The following KLHL33 variants were observed in gnomAD, a reference collection of about 807,000 sequenced individuals.
KLHL33 encodes kelch like family member 33.
KLHL33 carries 46 observed loss-of-function variants against 60.8 expected under a neutral mutation model. The observed-to-expected ratio is 0.76, with a 90% CI of 0.60 to 0.97. The LOEUF is 0.97. Ranked by LOEUF, KLHL33 falls within the 50% of genes least tolerant of loss-of-function variation. The probability of loss-of-function intolerance (pLI) is 0.00; values close to 1 mark genes in which losing one functional copy is unlikely to be tolerated. For missense variants in KLHL33, 1,055 were observed against 1,000.0 expected, an observed-to-expected ratio of 1.05 and a Z score of -0.74; for synonymous variants, 434 against 432.2, an observed-to-expected ratio of 1.00 and a Z score of -0.05.
chr14:20,434,963 G>A lies in KLHL33; in HGVS notation c.748+101C>T, dbSNP rs549540840. ...CCAGGGAAATTCTGACAGCAGCAGGGATCAAAACCATCATGGTGGGGATAA... is the reference window on the plus strand; with the variant it reads ...CCAGGGAAATTCTGACAGCAGCAGGAATCAAAACCATCATGGTGGGGATAA... On this transcript the variant is annotated intron_variant, in intron 2 of 4. Coordinates refer to ENST00000636854, the MANE Select transcript of KLHL33 (RefSeq NM_001365790.2). 3.7e-5 allele frequency: 38 copies of A among 1,037,506 alleles called. No individual in the cohort carries two copies. In the African/African-American group the frequency reaches 5.9e-4, roughly 16 times the overall value. 64.3% of individuals were successfully genotyped at this position (1,037,506 alleles called of 1,614,324 possible).
rs1232845489 is a variant in KLHL33 at position 20,429,219 on chromosome 14, T to G, written c.2024A>C (p.His675Pro). The change falls in exon 5 of 5, where the codon CAT (histidine) becomes CCT (proline). Residue 675 changes from histidine to proline, a missense_variant. Transcript: ENST00000636854. ...LSPMGVPRAG[H>P]VMAALGGRLY... ...CCTCCCACCCAATGCAGCCATGACATGGCCAGCCCGAGGTACCCCCATAGG... is the reference window on the plus strand; with the variant it reads ...CCTCCCACCCAATGCAGCCATGACAGGGCCAGCCCGAGGTACCCCCATAGG... 1 of 1,551,488 alleles carries G rather than the reference T, an allele frequency of 6.4e-7. No homozygotes were observed. The highest frequency in any genetic ancestry group is 8.7e-7 in the Non-Finnish European group (1 of 1,146,970).
chr14:20,430,394 GGCTTT>G lies in KLHL33; in HGVS notation c.1069_1073del (p.Lys357ProfsTer27). 1 of 1,551,806 alleles carries G rather than the reference GGCTTT, an allele frequency of 6.4e-7. No individual in the cohort carries two copies. On this transcript the variant is annotated frameshift_variant, in exon 3 of 5. Transcript: ENST00000636854. LOFTEE classifies it high-confidence loss of function. ...GCAGGTGGGTGAGGAGGTAGTGACGGGCTTTGCTCCAGAGCCTCTCCAACCCAGGG... is the reference window on the plus strand; with the variant it reads ...GCAGGTGGGTGAGGAGGTAGTGACGGGCTCCAGAGCCTCTCCAACCCAGGG...
Position 20,435,635 on chromosome 14 carries a change from G to C in KLHL33, c.177C>G (p.Pro59=). 1 of 1,234,596 alleles carries C rather than the reference G, an allele frequency of 8.1e-7. No individual in the cohort carries two copies. Among genetic ancestry groups the C allele is most frequent in the Non-Finnish European group, 1.0e-6 (1 of 988,294 alleles). 76.5% of individuals were successfully genotyped at this position (1,234,596 alleles called of 1,614,324 possible). Reference sequence around the variant, plus strand: ...GAAAGGGAAGGTTCCTTGGGACCAGGGGCCTGGAACCAGGCTCCTCCAGAG... The same window carrying C: ...GAAAGGGAAGGTTCCTTGGGACCAGCGGCCTGGAACCAGGCTCCTCCAGAG... ...SFPLEEPGSR[P]LVPRNLPFPA... Residue 59 remains proline, a synonymous_variant, in exon 2 of 5, where the codon CCC becomes CCG. Transcript: ENST00000636854.
In KLHL33 at chr14:20,429,973, C is replaced by T; in HGVS notation, c.1495G>A (p.Ala499Thr). Residue 499 changes from alanine to threonine, a missense_variant, in exon 3 of 5, where the codon GCC becomes ACC. By Grantham distance (58) the Ala-to-Thr change is moderately conservative. Transcript: ENST00000636854. Reference sequence around the variant, plus strand: ...CCCACGCCACAGCGGAAGGCCCGGGCCCACCACACTGCTCGGGATGGTTGT... The same window carrying T: ...CCCACGCCACAGCGGAAGGCCCGGGTCCACCACACTGCTCGGGATGGTTGT... ...LRQPSRAVWW[A>T]RAFRCGVGLV... The T allele has an allele frequency of 6.4e-7, 1 of 1,551,700 alleles. No individual in the cohort carries two copies. The highest frequency in any genetic ancestry group is 8.7e-7 in the Non-Finnish European group (1 of 1,146,992).
At chr14:20,432,926 A>AAAAGAAAAG (rs1880555565) in intron 2 of KLHL33, among the ~76,000 whole-genome samples, 1 of 104,672 alleles carries the variant, frequency 9.6e-6, no homozygotes, top group Admixed American at 1.2e-4. Context: ...CATCTCAAAA[A>AAAAGAAAAG]AAAGAAAGAA....
Position 20,435,375 on chromosome 14 carries a change from C to T in KLHL33, c.437G>A (p.Gly146Glu), listed in dbSNP as rs1880655366. 8.1e-7 allele frequency: 1 copy of T among 1,234,332 alleles called. No individual in the cohort carries two copies. The highest frequency in any genetic ancestry group is 4.1e-5 in the South Asian group (1 of 24,422). 76.5% of individuals were successfully genotyped at this position (1,234,332 alleles called of 1,614,324 possible). Residue 146 changes from glycine (G) to glutamate (E), a missense_variant, in exon 2 of 5, where the codon GGA becomes GAA. By Grantham distance (98) the Gly-to-Glu change is moderately conservative. Transcript: ENST00000636854. ...GAGGCTGAAGGGGGGCCGCGGACCT[C>T]CGCCGCCCAGCAGCCTGTCTCGGAA... ...SLFRDRLLGGGGPRPPFSLEV... is the reference protein window; with the variant it reads ...SLFRDRLLGGEGPRPPFSLEV...
At position 20,429,261 on chromosome 14, in the gene KLHL33, G is replaced by A. The variant is rs1354607124; in HGVS notation, c.1982C>T (p.Pro661Leu). Residue 661 changes from proline (P) to leucine (L), a missense_variant, in exon 5 of 5, where the codon CCA (proline) becomes CTA (leucine). Pro to Leu is a moderately conservative substitution (Grantham distance 98). Coordinates refer to ENST00000636854, the MANE Select transcript of KLHL33 (RefSeq NM_001365790.2). ...LMHYDPKLEK[P>L]GTFLSPMGVP... ...CCCCATAGGGCTCAGAAACGTCCCTGGCTTCTCAAGTTTGGGGTCATAGTG... is the reference window on the plus strand; with the variant it reads ...CCCCATAGGGCTCAGAAACGTCCCTAGCTTCTCAAGTTTGGGGTCATAGTG... 3 of 1,551,564 alleles carry A rather than the reference G, an allele frequency of 1.9e-6. No individual in the cohort carries two copies. The African/African-American group carries it at 4.1e-5, about 21-fold the overall frequency.
rs1335441181 is a variant in KLHL33 at position 20,427,894 on chromosome 14, ACT to A, written c.*953_*954del. 6.6e-6 allele frequency: 1 copy of A among 152,178 alleles called. No homozygotes were observed. The highest frequency in any genetic ancestry group is 2.4e-5 in the African/African-American group (1 of 41,394). 9.4% of individuals were successfully genotyped at this position (152,178 alleles called of 1,614,324 possible). A position where few individuals can be genotyped will look rare whatever the true frequency, so the allele number is the denominator to read the frequency against. On this transcript the variant is annotated 3_prime_UTR_variant, in exon 5 of 5. Coordinates refer to ENST00000636854, the MANE Select transcript of KLHL33 (RefSeq NM_001365790.2). ...ATAAAGGGAAATGGATTTAAAAATAACTCTGGGGGAAAGGAACTGAAAGGGGG... is the reference window on the plus strand; with the variant it reads ...ATAAAGGGAAATGGATTTAAAAATAACTGGGGGAAAGGAACTGAAAGGGGG...
At chr14:20,432,652 T>G (rs569323422) in intron 2 of KLHL33, among the ~76,000 whole-genome samples, 1 of 152,090 alleles carries the variant, frequency 6.6e-6, no homozygotes, top group Non-Finnish European at 1.5e-5. Context: ...CCAGGCGCGG[T>G]GGCTCATGCC....
At chr14:20,433,807 T>G (rs1880596744) in intron 2 of KLHL33, among the ~76,000 whole-genome samples, 1 of 152,126 alleles carries the variant, frequency 6.6e-6, no homozygotes, top group African/African-American at 2.4e-5. Context: ...ACTTTTGGAG[T>G]GGTTTTCCTT....
In KLHL33 at chr14:20,430,481, G is replaced by C. The variant is rs1477415732; in HGVS notation, c.987C>G (p.Gly329=). 3 of 1,550,900 alleles carry C rather than the reference G, an allele frequency of 1.9e-6. No individual in the cohort carries two copies. The highest frequency in any genetic ancestry group is 2.4e-5 in the South Asian group (2 of 84,062). The part of the protein sequence containing the change: ...SSSCLDLCQK[G]LARGLSPARC... ...GGGCAGGGCTGAGGCCCCGTGCCAA[G>C]CCTTTCTGACACAAATCCAAGCAGG... Residue 329 remains glycine, a synonymous_variant, in exon 3 of 5, where the codon GGC becomes GGG. Transcript: ENST00000636854.
chr14:20,435,277 C>G lies in KLHL33; in HGVS notation c.535G>C (p.Gly179Arg). 8.1e-7 allele frequency: 1 copy of G among 1,234,414 alleles called. No individual in the cohort carries two copies. Among genetic ancestry groups the G allele is most frequent in the Non-Finnish European group, 1.0e-6 (1 of 988,216 alleles). 76.5% of individuals were successfully genotyped at this position (1,234,414 alleles called of 1,614,324 possible). The change falls in exon 2 of 5, where the codon GGG becomes CGG. Residue 179 changes from glycine to arginine, a missense_variant. Coordinates refer to ENST00000636854, the MANE Select transcript of KLHL33 (RefSeq NM_001365790.2). ...GCCTCTGCTGCGGCCAGCACATCCC[C>G]CTGCGAGGCGGGGCCCAGCACCCCC... ...YEGVLGPASQGDVLAAAEALG... is the reference protein window; with the variant it reads ...YEGVLGPASQRDVLAAAEALG...
chr14:20,430,220 C>T lies in KLHL33; in HGVS notation c.1248G>A (p.Glu416=), dbSNP rs1281398543. ...CWLAANPETQ[E]SEAKALLRCV... ...ATCGCAGCAGGGCCTTGGCCTCTGA[C>T]TCCTGGGTCTCGGGGTTGGCAGCCA... Residue 416 remains glutamate (E), a synonymous_variant, in exon 3 of 5, where the codon GAG becomes GAA. Transcript: ENST00000636854. The T allele has an allele frequency of 6.4e-7, 1 of 1,551,506 alleles. No homozygotes were observed. The highest frequency in any genetic ancestry group is 1.4e-5 in the African/African-American group (1 of 73,060).
Position 20,429,615 on chromosome 14 carries a change from T to A in KLHL33, c.1728A>T (p.Arg576=), listed in dbSNP as rs2139265023. 1 of 1,551,918 alleles carries A rather than the reference T, an allele frequency of 6.4e-7. No homozygotes were observed. Among genetic ancestry groups the A allele is most frequent in the African/African-American group, 1.4e-5 (1 of 73,124 alleles). ...WEEMAPLSQA[R]SLFSLVALDG... is the part of the protein sequence containing the mutation. ...CCAGTGCCACCAAGGAGAAAAGGCT[T>A]CGAGCCTGGGACAAAGGAGCCATCT... Residue 576 remains arginine (R), a synonymous_variant, in exon 4 of 5, where the codon CGA becomes CGT. Transcript: ENST00000636854.
In KLHL33 at chr14:20,435,043, T is replaced by C. The variant is rs567962282; in HGVS notation, c.748+21A>G. 8 of 1,234,282 alleles carry C rather than the reference T, an allele frequency of 6.5e-6. No homozygotes were observed. The South Asian group carries it at 2.9e-4, about 44-fold the overall frequency. The allele number at this position is 1,234,282 out of a possible 1,614,324, so 76.5% of individuals were successfully genotyped here. On this transcript the variant is annotated intron_variant, in intron 2 of 4. Transcript: ENST00000636854. ...GTTAGCATATGCACCTGCAGTAATT[T>C]AATGCCCCACAGGCCCTCACCCGAC...
In KLHL33 at chr14:20,430,065, C is replaced by A. The variant is rs1029440704; in HGVS notation, c.1403G>T (p.Arg468Leu). 1 of 1,551,764 alleles carries A rather than the reference C, an allele frequency of 6.4e-7. No individual in the cohort carries two copies. Among genetic ancestry groups the A allele is most frequent in the South Asian group, 1.2e-5 (1 of 84,064 alleles). ...TACCAGTGCCCGGTCAGGCTCCCTC[C>A]GTCTCTCTTGGCCTGGAACATCAGC... ...VEADVPGQER[R>L]REPDRALVVI... is the part of the protein sequence containing the mutation. Residue 468 changes from arginine to leucine, a missense_variant, in exon 3 of 5, where the codon CGG (arginine) becomes CTG (leucine). Coordinates refer to ENST00000636854, the MANE Select transcript of KLHL33 (RefSeq NM_001365790.2).
In KLHL33 at chr14:20,430,707, G is replaced by A. The variant is rs1880483856; in HGVS notation, c.761C>T (p.Ala254Val). 2.0e-6 allele frequency: 3 copies of A among 1,518,832 alleles called. No individual in the cohort carries two copies. The highest frequency in any genetic ancestry group is 2.6e-6 in the Non-Finnish European group (3 of 1,137,692). 94.1% of individuals were successfully genotyped at this position (1,518,832 alleles called of 1,614,324 possible). A position where few individuals can be genotyped will look rare whatever the true frequency, so the allele number is the denominator to read the frequency against. Residue 254 changes from alanine (A) to valine (V), a missense_variant, in exon 3 of 5, where the codon GCC becomes GTC. By Grantham distance (64) the Ala-to-Val change is moderately conservative. Coordinates refer to ENST00000636854, the MANE Select transcript of KLHL33 (RefSeq NM_001365790.2). ...AAAGAACTCACTGCCACAGGCCAGGGCGGCTCGGTGCACTGCAGGAGGGGA... is the reference window on the plus strand; with the variant it reads ...AAAGAACTCACTGCCACAGGCCAGGACGGCTCGGTGCACTGCAGGAGGGGA... The part of the protein sequence containing the change: ...GGCQLSVHRA[A>V]LACGSEFFGA...
At chr14:20,432,073 A>G (rs1880524634) in intron 2 of KLHL33, among the ~76,000 whole-genome samples, 1 of 152,084 alleles carries the variant, frequency 6.6e-6, no homozygotes, top group Non-Finnish European at 1.5e-5. Context: ...TTTAGAGGGG[A>G]AAAACCACAC....
rs189585932 is a variant in KLHL33 at position 20,434,221 on chromosome 14, C to A, written c.748+843G>T. On this transcript the variant is annotated intron_variant, in intron 2 of 4. Transcript: ENST00000636854. ...ACTCAACTTATGCAACCCTACTTAG[C>A]TTTCCTGGTGATGAGCAGAGTTAAC... 8.5e-5 allele frequency among the ~76,000 whole-genome samples: 13 copies of A among 152,296 alleles called. No homozygotes were observed. In the East Asian group the frequency reaches 1.5e-3, roughly 18 times the overall value.
Sources: gnomAD v4.1 joint callset for allele counts (sites outside exome capture counted in the v4.1 genomes callset) on GRCh38, gnomAD v4.1.1 for gene constraint, MANE v1.5 for transcripts, NCBI Gene and HGNC (gene_info 2026-07-23, HGNC 2026-07-21) for gene names.